The following TBC1D31 variants were observed in gnomAD, a reference collection of about 807,000 sequenced individuals.
The protein encoded by TBC1D31 is WD repeat domain 67.
TBC1D31 carries 99 observed loss-of-function variants against 132.9 expected under a neutral mutation model. The observed-to-expected ratio is 0.74, with a 90% confidence interval of 0.63 to 0.88. The LOEUF is 0.88. TBC1D31 is among the 40% of genes least tolerant of loss of function. TBC1D31 has a pLI of 0.00. For synonymous variants in TBC1D31, 385 were observed against 419.4 expected (o/e 0.92, Z 1.00); for missense variants, 1,134 against 1,256.6 (o/e 0.90, Z 1.48).
At chr8:123,097,503 A>G in intron 6 of TBC1D31, 62 bp downstream of exon 6, 2 of 1,494,112 alleles carry the variant, frequency 1.3e-6, no homozygotes, top group Admixed American at 2.1e-5. Context: ...TCTCTGAACT[A>G]TATTAGCTCT....
intron 4 of TBC1D31, among the ~76,000 whole-genome samples, chr8:123,087,493 A>T (rs767542115): frequency 8.5e-5 from 13 of 152,218 alleles, no homozygotes; most frequent in Non-Finnish European, 1.9e-4. Flanking sequence ...CAGCTTATTC[A>T]TTAGGGATTT....
chr8:123,092,808 A>ATTTTTTTTTTTT (rs71573666), intron 4 of TBC1D31, among the ~76,000 whole-genome samples: 1,598 of 103,350 alleles, frequency 0.015, 102 homozygotes, highest in African/African-American at 0.034. Context: ...CACCCGGCTA[A>ATTTTTTTTTTTT]TTTTTTTTTT....
chr8:123,085,042 G>A (rs925072340), intron 4 of TBC1D31, among the ~76,000 whole-genome samples: 7 of 151,508 alleles, frequency 4.6e-5, no homozygotes, highest in African/African-American at 9.7e-5. Context: ...CTCTTGCCTC[G>A]GCCTCCCAAA....
chr8:123,164,708 C>T, the TBC1D31 span, among the ~76,000 whole-genome samples: 5 of 133,372 alleles, frequency 3.7e-5, no homozygotes, highest in East Asian at 2.2e-4. Flanking sequence ...GGCAACAGAG[C>T]GAGACTCCAT....
intron 7 of TBC1D31, among the ~76,000 whole-genome samples, chr8:123,101,733 A>T (rs10956115): frequency 0.2 from 29,915 of 152,008 alleles, 2,978 homozygotes; most frequent in African/African-American, 0.23. Context: ...AATTTGAAAT[A>T]TCTGTAAATG....
At chr8:123,130,661 G>A (rs1162194745) in intron 16 of TBC1D31, among the ~76,000 whole-genome samples, 3 of 136,718 alleles carry the variant, frequency 2.2e-5, no homozygotes, top group Admixed American at 7.8e-5. Flanking sequence ...TTGCTCTGTT[G>A]CCCAGGCTGG....
chr8:123,129,235 T>C lies in TBC1D31; in HGVS notation c.2270+17T>C. On this transcript the variant is annotated intron_variant, in intron 15 of 21. Coordinates refer to ENST00000287380, the MANE Select transcript of TBC1D31 (RefSeq NM_145647.4). ...AAGACAGAGGTATGTGTTATCACTT[T>C]AAAAAAAAATCTGGACATATAAGTT... 1 of 1,435,538 alleles carries C rather than the reference T, an allele frequency of 7.0e-7. No homozygotes were observed. Among genetic ancestry groups the C allele is most frequent in the Non-Finnish European group, 9.3e-7 (1 of 1,073,080 alleles). 88.9% of individuals were successfully genotyped at this position (1,435,538 alleles called of 1,614,324 possible).
chr8:123,080,529 C>CTT (rs57694076), intron 2 of TBC1D31, among the ~76,000 whole-genome samples: 36 of 76,318 alleles, frequency 4.7e-4, no homozygotes, highest in African/African-American at 9.3e-4. Flanking sequence ...TTCTTTTATT[C>CTT]TTTTTTTTTT....
Position 123,084,180 on chromosome 8 carries a change from G to A in TBC1D31, c.359G>A (p.Ser120Asn). 3 of 1,614,100 alleles carry A rather than the reference G, an allele frequency of 1.9e-6. No individual in the cohort carries two copies. The highest frequency in any genetic ancestry group is 2.5e-6 in the Non-Finnish European group (3 of 1,180,000). Residue 120 changes from serine to asparagine, a missense_variant, in exon 4 of 22, where the codon AGC becomes AAC. Coordinates refer to ENST00000287380, the MANE Select transcript of TBC1D31 (RefSeq NM_145647.4). The stretch of plus-strand genomic sequence containing the variant: ...ACCACAGTCACCAAGGAGCTAGTTA[G>A]CTGGATGAGAGGACATGAATCATCA... ...CFDTVTKELV[S>N]WMRGHESSVF...
chr8:123,144,542 C>T (rs1014630376), intron 19 of TBC1D31, among the ~76,000 whole-genome samples, 175 bp from the exon 20 acceptor site: 2 of 152,114 alleles, frequency 1.3e-5, no homozygotes, highest in Non-Finnish European at 2.9e-5. Context: ...TTTCAAGGCT[C>T]TTAATAGCCT....
At chr8:123,094,188 C>T (rs1003157725) in intron 5 of TBC1D31, among the ~76,000 whole-genome samples, 3 of 152,028 alleles carry the variant, frequency 2.0e-5, no homozygotes, top group Non-Finnish European at 4.4e-5. Context: ...CCTCAGCCTC[C>T]CGAGTAGCTG....
At chr8:123,114,636 T>C (rs1818753831) in intron 10 of TBC1D31, among the ~76,000 whole-genome samples, 1 of 152,192 alleles carries the variant, frequency 6.6e-6, no homozygotes, top group African/African-American at 2.4e-5. Flanking sequence ...ATACAGTATT[T>C]TTAAAAGTAA....
Position 123,142,631 on chromosome 8 carries a change from G to C in TBC1D31, c.2835+175G>C, listed in dbSNP as rs562356279. 3.9e-5 allele frequency among the ~76,000 whole-genome samples: 6 copies of C among 152,006 alleles called. No homozygotes were observed. In the South Asian group the frequency reaches 1.2e-3, roughly 32 times the overall value. On this transcript the variant is annotated intron_variant, in intron 19 of 21. Transcript: ENST00000287380. Reference sequence around the variant, plus strand: ...TTACAGACGTCAGCCCCTTTATCCAGCCTAAGCACTGAAATTTTGAAATAG... The same window carrying C: ...TTACAGACGTCAGCCCCTTTATCCACCCTAAGCACTGAAATTTTGAAATAG...
At chr8:123,161,951 G>C in the TBC1D31 span, among the ~76,000 whole-genome samples, 1 of 150,642 alleles carries the variant, frequency 6.6e-6, no homozygotes, top group Non-Finnish European at 1.5e-5. Context: ...CCGAGAGGCG[G>C]AGGTTGCAGT....
chr8:123,100,150 G>A (rs977978915), intron 6 of TBC1D31, among the ~76,000 whole-genome samples: 1 of 152,096 alleles, frequency 6.6e-6, no homozygotes, highest in Admixed American at 6.5e-5. Context: ...TCATCAGTGG[G>A]CATGATCTGC....
chr8:123,164,083 A>C, the TBC1D31 span, among the ~76,000 whole-genome samples: 4 of 152,070 alleles, frequency 2.6e-5, no homozygotes, highest in African/African-American at 9.7e-5. Flanking sequence ...GACTTGTTTC[A>C]CTCAGCTTCA....
chr8:123,107,291 C>A (rs1818021363), intron 8 of TBC1D31, among the ~76,000 whole-genome samples: 1 of 152,132 alleles, frequency 6.6e-6, no homozygotes, highest in Non-Finnish European at 1.5e-5. Flanking sequence ...TCTGCACATA[C>A]CCATTTCCAC....
chr8:123,164,103 G>A, the TBC1D31 span, among the ~76,000 whole-genome samples: 2,177 of 152,304 alleles, frequency 0.014, 20 homozygotes, highest in Middle Eastern at 0.058. Flanking sequence ...AGGTAAGCAC[G>A]TCTTTTTCTT....
At chr8:123,146,150 G>A (rs766549808) in intron 20 of TBC1D31, among the ~76,000 whole-genome samples, 18 of 152,174 alleles carry the variant, frequency 1.2e-4, no homozygotes, top group South Asian at 1.0e-3. Context: ...GATTACAGGC[G>A]TGCCCAGCAC....
Sources: gnomAD v4.1 joint callset for allele counts (sites outside exome capture counted in the v4.1 genomes callset) on GRCh38, gnomAD v4.1.1 for gene constraint, MANE v1.5 for transcripts, NCBI Gene and HGNC (gene_info 2026-07-23, HGNC 2026-07-21) for gene names.